Variants in CFAP58 observed in about 807,000 individuals in gnomAD.
CFAP58 encodes the protein cilia and flagella associated protein 58.
A neutral mutation model predicts 119.5 loss-of-function variants in CFAP58; 88 were observed. That is an observed-to-expected ratio of 0.74 (90% confidence interval 0.62 to 0.88). The LOEUF (loss-of-function observed/expected upper bound fraction) is 0.88. CFAP58 is among the 40% of genes least tolerant of loss of function. The pLI, the probability that CFAP58 is intolerant of heterozygous loss-of-function variation, is 0.00. For missense variants in CFAP58, 990 were observed against 1,021.2 expected (o/e 0.97, Z 0.42); for synonymous variants, 365 against 366.3 (o/e 1.00, Z 0.04).
At chr10:104,445,100 A>G (rs574512645) in intron 15 of CFAP58, among the ~76,000 whole-genome samples, 1 of 152,254 alleles carries the variant, frequency 6.6e-6, no homozygotes, top group East Asian at 1.9e-4. Context: ...AGGTGAGTGG[A>G]TAAAATGAGC....
At chr10:104,404,117 G>A (rs189529885) in intron 14 of CFAP58, among the ~76,000 whole-genome samples, 5 of 152,288 alleles carry the variant, frequency 3.3e-5, no homozygotes, top group Non-Finnish European at 2.9e-5. Flanking sequence ...TATTTTTCTG[G>A]CTTGGGTAGG....
intron 15 of CFAP58, among the ~76,000 whole-genome samples, chr10:104,436,653 C>G (rs1237187695): frequency 1.3e-5 from 2 of 152,140 alleles, no homozygotes; most frequent in Non-Finnish European, 2.9e-5. Flanking sequence ...AGGGATCCAC[C>G]ACCAGGACCC....
chr10:104,385,385 G>A (rs2011902214), intron 9 of CFAP58, among the ~76,000 whole-genome samples: 1 of 151,788 alleles, frequency 6.6e-6, no homozygotes, highest in Non-Finnish European at 1.5e-5. Flanking sequence ...ACTGCTAGGA[G>A]AAAGCAAAGA....
chr10:104,449,029 G>A (rs962920349), intron 16 of CFAP58, among the ~76,000 whole-genome samples: 2 of 152,180 alleles, frequency 1.3e-5, no homozygotes, highest in Non-Finnish European at 2.9e-5. Flanking sequence ...CCCTCATGAA[G>A]AGGTTTAGAG....
chr10:104,415,853 C>T (rs2012543444), intron 15 of CFAP58, among the ~76,000 whole-genome samples: 1 of 152,174 alleles, frequency 6.6e-6, no homozygotes, highest in Non-Finnish European at 1.5e-5. Context: ...AGTTACCTGC[C>T]AGGAACCAGA....
intron 9 of CFAP58, among the ~76,000 whole-genome samples, chr10:104,383,768 A>ACACACATG (rs1554917584): frequency 3.3e-5 from 5 of 151,718 alleles, no homozygotes; most frequent in African/African-American, 1.2e-4. Flanking sequence ...ACACACACAC[A>ACACACATG]CACACACACA....
At chr10:104,380,331 TTG>T in intron 9 of CFAP58, 111 bp downstream of exon 9, 2 of 1,082,814 alleles carry the variant, frequency 1.8e-6, no homozygotes, top group African/African-American at 1.6e-5. Context: ...TGTTTGTAAT[TTG>T]TGTGAAGATT....
At chr10:104,383,753 A>AACACACACACACAC (rs59181888) in intron 9 of CFAP58, among the ~76,000 whole-genome samples, 9,795 of 145,810 alleles carry the variant, frequency 0.067, 372 homozygotes, top group Middle Eastern at 0.14. Context: ...TTTACTGTCC[A>AACACACACACACAC]ACACACACAC....
intron 15 of CFAP58, among the ~76,000 whole-genome samples, chr10:104,435,412 G>A (rs6584597): frequency 0.095 from 14,478 of 152,212 alleles, 1,981 homozygotes; most frequent in African/African-American, 0.29. Flanking sequence ...AACCCGGGAG[G>A]TGGAGGTTGT....
At position 104,453,761 on chromosome 10, in the gene CFAP58, A is replaced by AGTGTGTGTGT. The variant is rs56666132; in HGVS notation, c.2511-634_2511-625dup. On this transcript the variant is annotated intron_variant, in intron 17 of 17. Coordinates refer to ENST00000369704, the MANE Select transcript of CFAP58 (RefSeq NM_001008723.2). ...TACTTCTGCAGGAAACATGAATATG[A>AGTGTGTGTGT]GTGTGTGTGTGTGTGTGTGTGTGTG... Among the ~76,000 whole-genome samples, 910 of 138,914 alleles carry AGTGTGTGTGT rather than the reference A, an allele frequency of 6.6e-3. 8 individuals carry two copies. The highest frequency in any genetic ancestry group is 0.02 in the African/African-American group (744 of 37,312). 91.1% of individuals were successfully genotyped at this position (138,914 alleles called of 152,430 possible).
Position 104,409,184 on chromosome 10 carries a change from A to T in CFAP58, c.2256+2391A>T, listed in dbSNP as rs7917341. ...AGTCCTAAATGTTGTATATTTTCAGAATTATTTCTCCTTTGACAGTAAGTC... is the reference window on the plus strand; with the variant it reads ...AGTCCTAAATGTTGTATATTTTCAGTATTATTTCTCCTTTGACAGTAAGTC... On this transcript the variant is annotated intron_variant, in intron 15 of 17. Coordinates refer to ENST00000369704, the MANE Select transcript of CFAP58 (RefSeq NM_001008723.2). 1.5e-3 allele frequency among the ~76,000 whole-genome samples: 236 copies of T among 152,266 alleles called. 2 individuals carry two copies. Among genetic ancestry groups the T allele is most frequent in the African/African-American group, 5.2e-3 (218 of 41,546 alleles).
chr10:104,366,068 C>A, intron 5 of CFAP58, 60 bp downstream of exon 5: 2 of 1,380,328 alleles, frequency 1.4e-6, no homozygotes, highest in South Asian at 3.1e-5. Context: ...CACCTTTATT[C>A]ACCCTTTTGT....
intron 7 of CFAP58, among the ~76,000 whole-genome samples, chr10:104,375,792 G>C (rs1019846101): frequency 4.0e-5 from 6 of 151,414 alleles, no homozygotes; most frequent in African/African-American, 7.3e-5. Context: ...ATGGGGTCGG[G>C]GGGGGCTTCC....
At chr10:104,442,180 G>T (rs1414117395) in intron 15 of CFAP58, among the ~76,000 whole-genome samples, 3 of 152,062 alleles carry the variant, frequency 2.0e-5, no homozygotes, top group Non-Finnish European at 4.4e-5. Context: ...AGGCAAAAAT[G>T]TATTGCCTTT....
intron 15 of CFAP58, among the ~76,000 whole-genome samples, chr10:104,412,797 C>G (rs571977494): frequency 2.6e-5 from 4 of 152,152 alleles, no homozygotes; most frequent in Non-Finnish European, 5.9e-5. Flanking sequence ...CCTCTCTAAT[C>G]CCAGTGCCTG....
rs762856692 is a variant in CFAP58 at position 104,406,714 on chromosome 10, T to G, written c.2177T>G (p.Leu726Arg). ...GCCAGCGACCCCAATGCATATGAGC[T>G]GATACAGAAAATTCACACCCTGCAG... ...LEASDPNAYE[L>R]IQKIHTLQKR... The change falls in exon 15 of 18, where the codon CTG becomes CGG. Residue 726 changes from leucine (L) to arginine (R), a missense_variant. Coordinates refer to ENST00000369704, the MANE Select transcript of CFAP58 (RefSeq NM_001008723.2). 6.2e-7 allele frequency: 1 copy of G among 1,614,078 alleles called. No homozygotes were observed. The highest frequency in any genetic ancestry group is 8.5e-7 in the Non-Finnish European group (1 of 1,180,040).
chr10:104,420,625 C>T (rs1167973333), intron 15 of CFAP58, among the ~76,000 whole-genome samples: 2 of 151,880 alleles, frequency 1.3e-5, no homozygotes, highest in Non-Finnish European at 2.9e-5. Context: ...TGCTCATGTA[C>T]TCCTACAACT....
At chr10:104,450,792 G>A (rs1021195272) in intron 17 of CFAP58, among the ~76,000 whole-genome samples, 16 of 151,400 alleles carry the variant, frequency 1.1e-4, no homozygotes, top group African/African-American at 3.7e-4. Context: ...CAGTCCTCCT[G>A]CCTCAGCCTC....
At chr10:104,366,262 C>T (rs1472011999) in intron 5 of CFAP58, among the ~76,000 whole-genome samples, 2 of 152,118 alleles carry the variant, frequency 1.3e-5, no homozygotes, top group Non-Finnish European at 2.9e-5. Flanking sequence ...CTATACTACA[C>T]ATATAGACAA....
Sources: gnomAD v4.1 joint callset for allele counts (sites outside exome capture counted in the v4.1 genomes callset) on GRCh38, gnomAD v4.1.1 for gene constraint, MANE v1.5 for transcripts, NCBI Gene and HGNC (gene_info 2026-07-23, HGNC 2026-07-21) for gene names.